Variants in SCML4 observed in about 807,000 individuals in gnomAD.
SCML4 encodes sex comb on midleg-like protein 4.
In SCML4, 34 loss-of-function variants were observed where a neutral mutation model predicts 41.1. That is an observed-to-expected ratio of 0.83 (90% CI 0.63 to 1.10). SCML4 has a LOEUF of 1.10. Among genes scored for constraint, SCML4 ranks in the 50% least tolerant of loss-of-function variants. The pLI is 0.00. For synonymous variants in SCML4, 214 were observed against 220.9 expected (o/e 0.97, Z 0.28); for missense variants, 522 against 534.1 (o/e 0.98, Z 0.22).
chr6:107,841,086 T>G, the SCML4 span, among the ~76,000 whole-genome samples: 1 of 151,848 alleles, frequency 6.6e-6, no homozygotes, highest in South Asian at 2.1e-4. Flanking sequence ...CTGTCAACCA[T>G]CATATTGCAT....
At chr6:107,819,730 T>C (rs915489312) in intron 1 of SCML4, among the ~76,000 whole-genome samples, 2 of 150,966 alleles carry the variant, frequency 1.3e-5, no homozygotes, top group African/African-American at 2.4e-5. Flanking sequence ...AGCATGTGTC[T>C]AAGTTAGTGG....
At position 107,709,986 on chromosome 6, in the gene SCML4, A is replaced by T. The variant is rs972170100; in HGVS notation, c.974-1975T>A. Among the ~76,000 whole-genome samples the T allele has an allele frequency of 8.8e-4, 134 of 152,200 alleles. 1 individual carries two copies. Among genetic ancestry groups the T allele is most frequent in the Admixed American group, 1.4e-3 (21 of 15,294 alleles). On this transcript the variant is annotated intron_variant, in intron 6 of 7. Coordinates refer to ENST00000369020, the MANE Select transcript of SCML4 (RefSeq NM_198081.5). ...TGGCCTCCCAAAGTGCTGGGTTTAC[A>T]GGTATGAGCCACAGCACCCGGCTTC...
At chr6:107,762,873 ACT>A (rs1156911851) in intron 2 of SCML4, among the ~76,000 whole-genome samples, 2 of 101,840 alleles carry the variant, frequency 2.0e-5, no homozygotes, top group African/African-American at 3.7e-5. Flanking sequence ...AAATAAATGC[ACT>A]CTTTTTTTTT....
chr6:107,837,943 T>C, the SCML4 span, among the ~76,000 whole-genome samples: 4 of 149,518 alleles, frequency 2.7e-5, no homozygotes, highest in Non-Finnish European at 3.0e-5. Flanking sequence ...AGTTTTGCTC[T>C]GTCGCCCAGG....
chr6:107,826,712 A>G (rs534894199), upstream of SCML4, among the ~76,000 whole-genome samples: 1 of 152,300 alleles, frequency 6.6e-6, no homozygotes, highest in African/African-American at 2.4e-5. Flanking sequence ...GCATGTGGGA[A>G]GCACCCATTG....
chr6:107,738,665 G>T (rs1174535762), intron 5 of SCML4, among the ~76,000 whole-genome samples: 1 of 152,038 alleles, frequency 6.6e-6, no homozygotes, highest in African/African-American at 2.4e-5. Flanking sequence ...GTCTGAGGAA[G>T]AGATGTGGAA....
At chr6:107,766,231 G>A (rs890189956) in intron 2 of SCML4, among the ~76,000 whole-genome samples, 2 of 152,066 alleles carry the variant, frequency 1.3e-5, no homozygotes, top group Non-Finnish European at 2.9e-5. Context: ...TTAGCCGGGC[G>A]TGGTGGTGCA....
chr6:107,708,875 T>C (rs1412739254), intron 6 of SCML4, among the ~76,000 whole-genome samples: 1 of 152,172 alleles, frequency 6.6e-6, no homozygotes, highest in Non-Finnish European at 1.5e-5. Flanking sequence ...TTTGTGTGTG[T>C]ATGTCCCAAA....
At chr6:107,787,734 G>A (rs1269781913) in intron 1 of SCML4, among the ~76,000 whole-genome samples, 1 of 152,168 alleles carries the variant, frequency 6.6e-6, no homozygotes, top group Non-Finnish European at 1.5e-5. Flanking sequence ...AACTCTCCAA[G>A]TCGGCACCTT....
Position 107,705,389 on chromosome 6 carries a change from T to G in SCML4, c.1120-64A>C. 3 of 1,485,204 alleles carry G rather than the reference T, an allele frequency of 2.0e-6. No individual in the cohort carries two copies. In the South Asian group the frequency reaches 3.6e-5, roughly 18 times the overall value. The allele number at this position is 1,485,204 out of a possible 1,614,324, so 92.0% of individuals were successfully genotyped here. A position where few individuals can be genotyped will look rare whatever the true frequency, so the allele number is the denominator to read the frequency against. Reference sequence around the variant, plus strand: ...ATGGTCAGAGTCATCGAACAGTGGCTAAGGTTAAGGTGTGGTCAAGGGGTG... The same window carrying G: ...ATGGTCAGAGTCATCGAACAGTGGCGAAGGTTAAGGTGTGGTCAAGGGGTG... On this transcript the variant is annotated intron_variant, in intron 7 of 7. Coordinates refer to ENST00000369020, the MANE Select transcript of SCML4 (RefSeq NM_198081.5).
chr6:107,838,579 C>T, the SCML4 span, among the ~76,000 whole-genome samples: 4 of 152,098 alleles, frequency 2.6e-5, no homozygotes, highest in African/African-American at 7.2e-5. Flanking sequence ...TCTAGAGTAA[C>T]GGTGAGAGGA....
At chr6:107,811,914 T>G (rs1226835178) in intron 1 of SCML4, among the ~76,000 whole-genome samples, 1 of 152,224 alleles carries the variant, frequency 6.6e-6, no homozygotes, top group East Asian at 1.9e-4. Context: ...CCATCTGAAC[T>G]GTTGAGCAGT....
chr6:107,783,737 G>A (rs1781669951), intron 1 of SCML4, among the ~76,000 whole-genome samples: 1 of 152,096 alleles, frequency 6.6e-6, no homozygotes, highest in African/African-American at 2.4e-5. Flanking sequence ...GGCAGGTGCT[G>A]GTCTGAGTTT....
At chr6:107,732,616 A>T (rs1183689090) in intron 5 of SCML4, among the ~76,000 whole-genome samples, 1 of 152,080 alleles carries the variant, frequency 6.6e-6, no homozygotes, top group Non-Finnish European at 1.5e-5. Flanking sequence ...GGCATTTTTG[A>T]CCAAAGTCAT....
chr6:107,814,081 C>A (rs1271583049), intron 1 of SCML4, among the ~76,000 whole-genome samples: 1 of 152,226 alleles, frequency 6.6e-6, no homozygotes, highest in Non-Finnish European at 1.5e-5. Flanking sequence ...TGGAAGGTCA[C>A]TTCCACCAAT....
At chr6:107,753,005 C>T (rs994910336) in intron 2 of SCML4, among the ~76,000 whole-genome samples, 3 of 152,086 alleles carry the variant, frequency 2.0e-5, no homozygotes, top group Admixed American at 6.5e-5. Flanking sequence ...ACTCCTCTTT[C>T]AAGGAGTTTT....
the SCML4 span, among the ~76,000 whole-genome samples, chr6:107,830,471 A>G: frequency 6.6e-6 from 1 of 152,190 alleles, no homozygotes; most frequent in Admixed American, 6.5e-5. Flanking sequence ...AGCTGGAAGA[A>G]CTGAGAGGGA....
the SCML4 span, among the ~76,000 whole-genome samples, chr6:107,831,920 G>A: frequency 6.6e-6 from 1 of 151,878 alleles, no homozygotes; most frequent in Non-Finnish European, 1.5e-5. Context: ...AAAATTAGCT[G>A]GGCATGGTGG....
intron 1 of SCML4, among the ~76,000 whole-genome samples, chr6:107,808,824 A>T (rs1050761893): frequency 6.6e-6 from 1 of 152,218 alleles, no homozygotes; most frequent in African/African-American, 2.4e-5. Flanking sequence ...AGAATATTTT[A>T]ATAATTAAGT....
Sources: gnomAD v4.1 joint callset for allele counts (sites outside exome capture counted in the v4.1 genomes callset) on GRCh38, gnomAD v4.1.1 for gene constraint, MANE v1.5 for transcripts, NCBI Gene and HGNC (gene_info 2026-07-23, HGNC 2026-07-21) for gene names.